The following GNPTAB variants were observed in gnomAD, a reference collection of about 807,000 sequenced individuals.
GNPTAB encodes N-acetylglucosamine-1-phosphotransferase subunits alpha/beta.
In GNPTAB, 92 loss-of-function variants were observed where a neutral mutation model predicts 136.6. The observed-to-expected ratio is 0.67, with a 90% CI of 0.57 to 0.80. GNPTAB has a LOEUF of 0.80. Among genes scored for constraint, GNPTAB ranks in the 30% least tolerant of loss-of-function variants. The pLI, the probability that GNPTAB is intolerant of heterozygous loss-of-function variation, is 0.00. For missense variants in GNPTAB, 1,343 were observed against 1,501.8 expected, an observed-to-expected ratio of 0.89 and a Z score of 1.75; for synonymous variants, 512 against 535.1, an observed-to-expected ratio of 0.96 and a Z score of 0.60.
chr12:101,779,802 T>G (rs1026461872), intron 7 of GNPTAB: 2 of 322,288 alleles, frequency 6.2e-6, no homozygotes, highest in Middle Eastern at 1.1e-3. Flanking sequence ...ACCTAAGACA[T>G]TGTAGGAGCT....
chr12:101,755,179 CTTAATA>C (rs1187872957), intron 18 of GNPTAB, among the ~76,000 whole-genome samples: 1 of 152,090 alleles, frequency 6.6e-6, no homozygotes, highest in Non-Finnish European at 1.5e-5. Context: ...TTGAGATTCA[CTTAATA>C]TTAATCAGGT....
chr12:101,796,203 G>A (rs1056910747), intron 2 of GNPTAB: 1 of 702,224 alleles, frequency 1.4e-6, no homozygotes, highest in Non-Finnish European at 2.6e-6. Context: ...AAACCGCTGT[G>A]TAGTAGCCAC....
At chr12:101,761,888 A>G (rs2137113232) in intron 13 of GNPTAB, 125 bp from the exon 14 acceptor site, 1 of 757,602 alleles carries the variant, frequency 1.3e-6, no homozygotes, top group East Asian at 2.6e-5. Flanking sequence ...CAAATGAAAT[A>G]CATGTTAACG....
At chr12:101,803,967 C>T (rs919646622) in intron 1 of GNPTAB, among the ~76,000 whole-genome samples, 3 of 151,882 alleles carry the variant, frequency 2.0e-5, no homozygotes, top group South Asian at 4.1e-4. Flanking sequence ...CATGGTGGCT[C>T]GTGCCTGTAA....
chr12:101,785,734 T>C (rs2137143966), intron 5 of GNPTAB: 1 of 392,214 alleles, frequency 2.5e-6, no homozygotes, highest in Non-Finnish European at 4.6e-6. Context: ...GCCTCTAGAA[T>C]AATTCAGAGC....
At chr12:101,768,998 G>A (rs1409437181) in intron 10 of GNPTAB, among the ~76,000 whole-genome samples, 1 of 152,184 alleles carries the variant, frequency 6.6e-6, no homozygotes, top group African/African-American at 2.4e-5. Context: ...CCTACAGTCT[G>A]ATACAGAGGA....
chr12:101,746,172 A>G lies in GNPTAB; in HGVS notation c.*992T>C, dbSNP rs1952731204. The G allele has an allele frequency of 2.0e-5, 3 of 152,032 alleles. No homozygotes were observed. The highest frequency in any genetic ancestry group is 2.0e-4 in the Admixed American group (3 of 15,260). 9.4% of individuals were successfully genotyped at this position (152,032 alleles called of 1,614,324 possible). Reference sequence around the variant, plus strand: ...TTTTACATTTTTAGAGGGTTGTTTGAAAAAAAACAAACTAAACAACAGCAA... The same window carrying G: ...TTTTACATTTTTAGAGGGTTGTTTGGAAAAAAACAAACTAAACAACAGCAA... On this transcript the variant is annotated 3_prime_UTR_variant, in exon 21 of 21. Transcript: ENST00000299314.
In GNPTAB at chr12:101,760,012, G is replaced by C. The variant is rs1952967387; in HGVS notation, c.3249+18C>G. The C allele has an allele frequency of 7.2e-7, 1 of 1,382,976 alleles. No individual in the cohort carries two copies. The highest frequency in any genetic ancestry group is 1.4e-5 in the African/African-American group (1 of 69,844). The allele number at this position is 1,382,976 out of a possible 1,614,324, so 85.7% of individuals were successfully genotyped here. The stretch of plus-strand genomic sequence containing the variant: ...GATGTACTTTCTGTTGTACATAAAA[G>C]TAACCCATTCCACTTACCAGGTTGG... On this transcript the variant is annotated intron_variant, in intron 16 of 20. Transcript: ENST00000299314.
chr12:101,828,668 T>G (rs937525499), intron 1 of GNPTAB, among the ~76,000 whole-genome samples: 4 of 151,430 alleles, frequency 2.6e-5, no homozygotes, highest in African/African-American at 9.7e-5. Flanking sequence ...CCAGCTTGGG[T>G]GACAGTGTGA....
intron 1 of GNPTAB, among the ~76,000 whole-genome samples, chr12:101,829,080 CTT>C (rs1871246367): frequency 6.6e-6 from 1 of 152,248 alleles, no homozygotes; most frequent in African/African-American, 2.4e-5. Flanking sequence ...TCTCATTTCT[CTT>C]GTCTGTTCCA....
chr12:101,745,751 C>T lies in GNPTAB; in HGVS notation c.*1413G>A, dbSNP rs1311507603. The T allele has an allele frequency of 2.0e-5, 3 of 152,168 alleles. No homozygotes were observed. Among genetic ancestry groups the T allele is most frequent in the African/African-American group, 4.8e-5 (2 of 41,436 alleles). The allele number at this position is 152,168 out of a possible 1,614,324, so 9.4% of individuals were successfully genotyped here. On this transcript the variant is annotated 3_prime_UTR_variant, in exon 21 of 21. Transcript: ENST00000299314. ...AACCATACATAAAAATACTAATTCT[C>T]GGCTGGGTGCACTGGCTTATGCCTG... is the stretch of plus-strand genomic sequence containing the variant.
Position 101,764,650 on chromosome 12 carries a change from T to C in GNPTAB, c.2267A>G (p.Asp756Gly). The C allele has an allele frequency of 6.2e-7, 1 of 1,613,282 alleles. No individual in the cohort carries two copies. The highest frequency in any genetic ancestry group is 8.5e-7 in the Non-Finnish European group (1 of 1,179,848). The change falls in exon 13 of 21, where the codon GAT becomes GGT. Residue 756 changes from aspartate (D) to glycine (G), a missense_variant. Coordinates refer to ENST00000299314, the MANE Select transcript of GNPTAB (RefSeq NM_024312.5). ...AKIKNQAIITDETNDSLVAPQ... is the reference protein window; with the variant it reads ...AKIKNQAIITGETNDSLVAPQ... ...AGCCACCAAACTGTCATTTGTTTCA[T>C]CTGTTATTATAGCTTGATTTTTTAT...
Position 101,780,262 on chromosome 12 carries a change from A to C in GNPTAB, c.661T>G (p.Leu221Val). 1 of 1,613,970 alleles carries C rather than the reference A, an allele frequency of 6.2e-7. No homozygotes were observed. Among genetic ancestry groups the C allele is most frequent in the Non-Finnish European group, 8.5e-7 (1 of 1,179,836 alleles). Residue 221 changes from leucine to valine, a missense_variant, in exon 7 of 21, where the codon TTA becomes GTA. Transcript: ENST00000299314. ...YLTTDKEVPG[L>V]VLMQDLAFLS... ...AAAGCCAAATCTTGCATTAGCACTAATCCAGGGACTTCTTTATCTGTTGTC... is the reference window on the plus strand; with the variant it reads ...AAAGCCAAATCTTGCATTAGCACTACTCCAGGGACTTCTTTATCTGTTGTC...
intron 1 of GNPTAB, among the ~76,000 whole-genome samples, chr12:101,825,789 G>C (rs77713877): frequency 0.011 from 1,690 of 152,286 alleles, 19 homozygotes; most frequent in Non-Finnish European, 0.014. Context: ...TAGTCTCATA[G>C]TTTGTAAACA....
intron 7 of GNPTAB, among the ~76,000 whole-genome samples, chr12:101,774,663 G>C (rs1464588780): frequency 6.6e-6 from 1 of 152,114 alleles, no homozygotes. Context: ...TGATTATCAA[G>C]GCAAGATTAG....
At chr12:101,762,383 A>C (rs1953010781) in intron 13 of GNPTAB, among the ~76,000 whole-genome samples, 1 of 152,220 alleles carries the variant, frequency 6.6e-6, no homozygotes, top group South Asian at 2.1e-4. Context: ...CTGCAGTGAA[A>C]CAAGCACTGT....
chr12:101,816,185 G>T (rs544857413), intron 1 of GNPTAB, among the ~76,000 whole-genome samples: 1 of 152,218 alleles, frequency 6.6e-6, no homozygotes, highest in East Asian at 1.9e-4. Flanking sequence ...AAGATAAATG[G>T]ACAAATGGGA....
At chr12:101,755,869 G>C (rs1426865314) in intron 18 of GNPTAB, among the ~76,000 whole-genome samples, 1 of 152,168 alleles carries the variant, frequency 6.6e-6, no homozygotes, top group African/African-American at 2.4e-5. Flanking sequence ...GTCCCTTTAA[G>C]TACCATGAAA....
At chr12:101,804,721 T>G (rs1466859979) in intron 1 of GNPTAB, among the ~76,000 whole-genome samples, 1 of 152,150 alleles carries the variant, frequency 6.6e-6, no homozygotes, top group African/African-American at 2.4e-5. Context: ...AAATACAGAT[T>G]TTGGTCACGG....
Sources: gnomAD v4.1 joint callset for allele counts (sites outside exome capture counted in the v4.1 genomes callset) on GRCh38, gnomAD v4.1.1 for gene constraint, MANE v1.5 for transcripts, NCBI Gene and HGNC (gene_info 2026-07-23, HGNC 2026-07-21) for gene names.